Variants in TRIP12 observed in about 807,000 individuals in gnomAD.
TRIP12 encodes thyroid hormone receptor interactor 12, also known as E3 ubiquitin-protein ligase TRIP12.
TRIP12 carries 25 observed loss-of-function variants against 244.2 expected under a neutral mutation model. That is an observed-to-expected ratio of 0.10 (90% CI 0.07 to 0.14). The LOEUF is 0.14. Among genes scored for constraint, TRIP12 ranks in the 10% least tolerant of loss-of-function variants. The pLI is 1.00. For missense variants in TRIP12, 1,677 were observed against 2,486.4 expected, an observed-to-expected ratio of 0.67 and a Z score of 6.92; for synonymous variants, 905 against 873.1, an observed-to-expected ratio of 1.04 and a Z score of -0.64.
chr2:229,905,106 C>T lies in TRIP12; in HGVS notation c.-50+16774G>A, dbSNP rs149361797. 5.9e-3 allele frequency among the ~76,000 whole-genome samples: 896 copies of T among 152,252 alleles called. 6 individuals carry two copies. Among genetic ancestry groups the T allele is most frequent in the African/African-American group, 0.02 (842 of 41,536 alleles). ...CCTGACCAACATGGAGAAACCCCGTCTCTACTAAAAATACAAAATTAGCTG... is the reference window on the plus strand; with the variant it reads ...CCTGACCAACATGGAGAAACCCCGTTTCTACTAAAAATACAAAATTAGCTG... On this transcript the variant is annotated intron_variant, in intron 1 of 41. Transcript: ENST00000675903.
At chr2:229,839,808 CAGG>C (rs897136995) in intron 5 of TRIP12, among the ~76,000 whole-genome samples, 1 of 152,116 alleles carries the variant, frequency 6.6e-6, no homozygotes, top group African/African-American at 2.4e-5. Flanking sequence ...GAGGAAGTTG[CAGG>C]AGATTTTTAC....
intron 8 of TRIP12, among the ~76,000 whole-genome samples, chr2:229,824,756 T>C (rs1191743970): frequency 6.6e-6 from 1 of 152,218 alleles, no homozygotes; most frequent in African/African-American, 2.4e-5. Flanking sequence ...ACAATATAGA[T>C]ATTTATGGAT....
At chr2:229,795,882 G>A (rs1277711353) in intron 25 of TRIP12, among the ~76,000 whole-genome samples, 1 of 152,188 alleles carries the variant, frequency 6.6e-6, no homozygotes, top group Non-Finnish European at 1.5e-5. Context: ...TGACTCACAA[G>A]TTAAAATACA....
At chr2:229,803,926 A>T in intron 19 of TRIP12, 73 bp downstream of exon 19, 1 of 1,334,894 alleles carries the variant, frequency 7.5e-7, no homozygotes, top group Admixed American at 2.7e-5. Context: ...TTCTATTATT[A>T]CTTTAGAGGT....
chr2:229,849,190 G>A (rs2154323105), intron 4 of TRIP12, among the ~76,000 whole-genome samples: 1 of 152,304 alleles, frequency 6.6e-6, no homozygotes, highest in African/African-American at 2.4e-5. Context: ...AAGTTCATGG[G>A]AAAGTAAGGA....
chr2:229,842,492 A>G (rs1397578716), intron 4 of TRIP12, among the ~76,000 whole-genome samples: 2 of 152,216 alleles, frequency 1.3e-5, no homozygotes, highest in Non-Finnish European at 2.9e-5. Flanking sequence ...TTGCTTTTCT[A>G]TTGGATTTGT....
chr2:229,851,205 C>A (rs2058640072), intron 4 of TRIP12, among the ~76,000 whole-genome samples: 1 of 152,196 alleles, frequency 6.6e-6, no homozygotes, highest in African/African-American at 2.4e-5. Flanking sequence ...CGTGGAGAAC[C>A]TTTATGTCTA....
intron 1 of TRIP12, among the ~76,000 whole-genome samples, chr2:229,908,430 G>T (rs894701343): frequency 7.1e-6 from 1 of 139,920 alleles, no homozygotes. Context: ...AAGCATCCGC[G>T]TAACGTCTCA....
At chr2:229,840,335 CG>C (rs2056081140) in intron 5 of TRIP12, among the ~76,000 whole-genome samples, 2 of 151,982 alleles carry the variant, frequency 1.3e-5, no homozygotes, top group African/African-American at 4.8e-5. Flanking sequence ...ATAAATATTG[CG>C]GAGAAATTCA....
At chr2:229,851,619 G>A (rs1162619979) in intron 4 of TRIP12, among the ~76,000 whole-genome samples, 1 of 152,092 alleles carries the variant, frequency 6.6e-6, no homozygotes, top group African/African-American at 2.4e-5. Context: ...CTCACTCTTT[G>A]GGTCCACACT....
chr2:229,864,047 A>AGAGAGAGAGAGAGTGT lies in TRIP12; in HGVS notation c.99-3517_99-3516insACACTCTCTCTCTCTC. On this transcript the variant is annotated intron_variant, in intron 2 of 41. Coordinates refer to ENST00000675903, the MANE Select transcript of TRIP12 (RefSeq NM_001348323.3). ...GAGAGAGAGAGAGAGAGAGAGAGAG[A>AGAGAGAGAGAGAGTGT]GTGTGTGTGTGTGTGTGTGTGTGTG... is the stretch of plus-strand genomic sequence containing the variant. Among the ~76,000 whole-genome samples the AGAGAGAGAGAGAGTGT allele has an allele frequency of 1.3e-3, 105 of 79,290 alleles. 1 individual carries two copies. Among genetic ancestry groups the AGAGAGAGAGAGAGTGT allele is most frequent in the Non-Finnish European group, 2.1e-3 (83 of 39,298 alleles). 52.0% of individuals were successfully genotyped at this position (79,290 alleles called of 152,430 possible).
chr2:229,904,368 A>G (rs2072020118), intron 1 of TRIP12, among the ~76,000 whole-genome samples: 1 of 148,332 alleles, frequency 6.7e-6, no homozygotes, highest in Non-Finnish European at 1.5e-5. Flanking sequence ...CACTGACCCA[A>G]GATTATGCCA....
In TRIP12 at chr2:229,778,316, T is replaced by C; in HGVS notation, c.5364+117A>G. ...ACAAAATCCCCAAGTAATTCATATGTGTATTGAAGTTTGAGAAGCATTGCT... is the reference window on the plus strand; with the variant it reads ...ACAAAATCCCCAAGTAATTCATATGCGTATTGAAGTTTGAGAAGCATTGCT... On this transcript the variant is annotated intron_variant, in intron 36 of 41. Transcript: ENST00000675903. This position sits in a 1 kb window ranked among gnomAD's most constrained non-coding sequence, Gnocchi z 4.1. 1.6e-6 allele frequency: 2 copies of C among 1,263,666 alleles called. No homozygotes were observed. The highest frequency in any genetic ancestry group is 2.2e-6 in the Non-Finnish European group (2 of 907,560). 78.3% of individuals were successfully genotyped at this position (1,263,666 alleles called of 1,614,324 possible).
intron 1 of TRIP12, among the ~76,000 whole-genome samples, chr2:229,887,523 C>A (rs985575413): frequency 6.6e-6 from 1 of 152,090 alleles, no homozygotes; most frequent in Non-Finnish European, 1.5e-5. Context: ...CCAAACAGAT[C>A]TAAGGGTAGA....
intron 8 of TRIP12, among the ~76,000 whole-genome samples, chr2:229,821,001 A>C (rs1364593735): frequency 1.3e-5 from 2 of 152,240 alleles, no homozygotes; most frequent in Non-Finnish European, 2.9e-5. Context: ...AGCACAGTTC[A>C]AACTCATATT....
chr2:229,919,942 C>A (rs181363431), intron 1 of TRIP12, among the ~76,000 whole-genome samples: 107 of 152,328 alleles, frequency 7.0e-4, no homozygotes, highest in Non-Finnish European at 9.6e-4. Context: ...ATTAGAAATT[C>A]TGTATACTTT....
intron 37 of TRIP12, among the ~76,000 whole-genome samples, chr2:229,775,386 TA>T (rs373514087): frequency 0.12 from 15,276 of 129,694 alleles, 2,100 homozygotes; most frequent in African/African-American, 0.35. Flanking sequence ...CACAAAGATT[TA>T]AAAAAAAAAA....
At chr2:229,872,250 G>A (rs1392292430) in intron 2 of TRIP12, among the ~76,000 whole-genome samples, 2 of 151,682 alleles carry the variant, frequency 1.3e-5, no homozygotes, top group African/African-American at 2.4e-5. Context: ...GCAACATAGC[G>A]AGACCCCCAT....
Position 229,802,389 on chromosome 2 carries a change from C to T in TRIP12, c.3069G>A (p.Thr1023=), listed in dbSNP as rs146293041. The change falls in exon 21 of 42, where the codon ACG becomes ACA. Residue 1023 remains threonine (T), a synonymous_variant. Transcript: ENST00000675903. ...TGGATCCCATGGATCCCGATCCATTCGTACATGCCTTTGGTGGACTTGTCA... is the reference window on the plus strand; with the variant it reads ...TGGATCCCATGGATCCCGATCCATTTGTACATGCCTTTGGTGGACTTGTCA... ...SLLTSPPKAC[T]NGSGSMGSTT... 6.9e-5 allele frequency: 111 copies of T among 1,614,010 alleles called. No individual in the cohort carries two copies. The African/African-American group carries it at 1.2e-3, about 17-fold the overall frequency.
Sources: allele counts gnomAD v4.1 joint callset (sites outside exome capture counted in the v4.1 genomes callset), GRCh38; gene constraint gnomAD v4.1.1; non-coding constraint Gnocchi (gnomAD v3.1); transcripts MANE v1.5; gene names NCBI Gene and HGNC (gene_info 2026-07-23, HGNC 2026-07-21).